The following THSD4 variants were observed in gnomAD, a reference collection of about 807,000 sequenced individuals.
THSD4 encodes the protein thrombospondin type-1 domain-containing protein 4.
A neutral mutation model predicts 119.0 loss-of-function variants in THSD4; 69 were observed. The observed-to-expected ratio is 0.58, with a 90% CI of 0.48 to 0.71. The LOEUF is 0.71. Among genes scored for constraint, THSD4 ranks in the 30% least tolerant of loss-of-function variants. The pLI is 0.00. For synonymous variants in THSD4, 524 were observed against 540.4 expected (o/e 0.97, Z 0.42); for missense variants, 1,393 against 1,391.1 (o/e 1.00, Z -0.02).
intron 16 of THSD4, among the ~76,000 whole-genome samples, chr15:71,768,021 AT>A (rs1319141367): frequency 6.6e-6 from 1 of 152,234 alleles, no homozygotes; most frequent in African/African-American, 2.4e-5. Context: ...ATAAGTCATC[AT>A]CATAGGATGT....
At position 71,103,695 on chromosome 15, in the gene THSD4, T is replaced by C. The variant is rs74567498; in HGVS notation, c.-80+6689T>C. Among the ~76,000 whole-genome samples, 705 of 152,044 alleles carry C rather than the reference T, an allele frequency of 4.6e-3. 7 individuals are homozygous for C. The highest frequency in any genetic ancestry group is 0.017 in the African/African-American group (695 of 41,486). ...TCTCTTGGAATCTTAGATGACTGCC[T>C]AGCTCCACTCCCACCCCCTCAGCCT... On this transcript the variant is annotated intron_variant, in intron 1 of 17. Transcript: ENST00000355327.
chr15:71,170,241 A>G (rs1264137510), intron 3 of THSD4, among the ~76,000 whole-genome samples: 1 of 152,208 alleles, frequency 6.6e-6, no homozygotes, highest in Non-Finnish European at 1.5e-5. Flanking sequence ...CTACACAGAC[A>G]GAAGACTGTG....
chr15:71,650,302 T>C (rs534189299), intron 7 of THSD4, among the ~76,000 whole-genome samples: 10 of 152,312 alleles, frequency 6.6e-5, no homozygotes, highest in African/African-American at 2.4e-4. Flanking sequence ...AGAAGCTTGC[T>C]GACCCACAAT....
intron 3 of THSD4, among the ~76,000 whole-genome samples, chr15:71,198,529 TCTC>T (rs748165926): frequency 1.3e-5 from 2 of 152,210 alleles, no homozygotes; most frequent in Admixed American, 6.5e-5. Flanking sequence ...TCCCCTACTC[TCTC>T]CTCTTCCTAG....
At chr15:71,606,524 A>ATTGT (rs1372442882) in intron 7 of THSD4, among the ~76,000 whole-genome samples, 2 of 131,548 alleles carry the variant, frequency 1.5e-5, no homozygotes, top group Non-Finnish European at 1.7e-5. Context: ...TCAAATGGCA[A>ATTGT]TTGTTTATTT....
At chr15:71,465,363 T>C (rs777940431) in intron 7 of THSD4, among the ~76,000 whole-genome samples, 2 of 152,212 alleles carry the variant, frequency 1.3e-5, no homozygotes, top group Non-Finnish European at 2.9e-5. Flanking sequence ...TTGACACTTA[T>C]GCTGCAGTTA....
intron 1 of THSD4, among the ~76,000 whole-genome samples, chr15:71,107,750 C>A (rs1462529622): frequency 1.3e-5 from 2 of 152,234 alleles, no homozygotes; most frequent in African/African-American, 4.8e-5. Context: ...AACAGACCAA[C>A]TTCTCTCAGA....
intron 8 of THSD4, among the ~76,000 whole-genome samples, chr15:71,666,677 T>C (rs1332835625): frequency 6.6e-6 from 1 of 152,192 alleles, no homozygotes. Context: ...TTACTAAAAC[T>C]TACTGAAGGT....
Position 71,350,699 on chromosome 15 carries a change from A to C in THSD4, c.1016-60988A>C, listed in dbSNP as rs536845394. Among the ~76,000 whole-genome samples the C allele has an allele frequency of 3.9e-5, 6 of 152,290 alleles. No individual in the cohort carries two copies. The South Asian group carries it at 1.2e-3, about 32-fold the overall frequency. On this transcript the variant is annotated intron_variant, in intron 6 of 17. Coordinates refer to ENST00000261862, the MANE Select transcript of THSD4 (RefSeq NM_024817.3). ...AAGCTTGAGCTGTCCATGGAAGTTT[A>C]GGAGGATGGTGCAGGGATGAGGAGG...
chr15:71,773,200 C>CAAAAAAAAAAAAA (rs5813665), intron 17 of THSD4, among the ~76,000 whole-genome samples: 7 of 54,008 alleles, frequency 1.3e-4, no homozygotes, highest in East Asian at 4.3e-4. Flanking sequence ...GACCATGTCT[C>CAAAAAAAAAAAAA]AAAAAAAAAA....
intron 6 of THSD4, among the ~76,000 whole-genome samples, chr15:71,327,309 C>T (rs1372073304): frequency 6.6e-6 from 1 of 152,116 alleles, no homozygotes; most frequent in Non-Finnish European, 1.5e-5. Flanking sequence ...TGTCCTGCCA[C>T]CGGCCTACAG....
chr15:71,137,222 A>C (rs1450815912), intron 1 of THSD4, among the ~76,000 whole-genome samples: 1 of 151,980 alleles, frequency 6.6e-6, no homozygotes, highest in Non-Finnish European at 1.5e-5. Flanking sequence ...ACGTGTGCTC[A>C]GCCCTCTCGG....
chr15:71,201,260 C>T (rs2043801534), intron 3 of THSD4, among the ~76,000 whole-genome samples: 1 of 152,082 alleles, frequency 6.6e-6, no homozygotes, highest in Admixed American at 6.6e-5. Context: ...TTCTGCTCAC[C>T]AATAAACATG....
At chr15:71,370,585 A>T (rs1178165601) in intron 6 of THSD4, among the ~76,000 whole-genome samples, 1 of 152,092 alleles carries the variant, frequency 6.6e-6, no homozygotes, top group Non-Finnish European at 1.5e-5. Flanking sequence ...CATGTAGTTG[A>T]GCGGTTTTGA....
chr15:71,476,356 A>G (rs994007919), intron 7 of THSD4, among the ~76,000 whole-genome samples: 2 of 152,112 alleles, frequency 1.3e-5, no homozygotes, highest in African/African-American at 2.4e-5. Context: ...CTCAGCCTCC[A>G]GAGTAGTTGG....
Position 71,310,853 on chromosome 15 carries a change from A to G in THSD4, c.1015+54138A>G, listed in dbSNP as rs138620972. Among the ~76,000 whole-genome samples the G allele has an allele frequency of 5.8e-3, 883 of 152,268 alleles. 8 individuals are homozygous for G. The highest frequency in any genetic ancestry group is 0.02 in the African/African-American group (826 of 41,550). On this transcript the variant is annotated intron_variant, in intron 6 of 17. Coordinates refer to ENST00000261862, the MANE Select transcript of THSD4 (RefSeq NM_024817.3). The stretch of plus-strand genomic sequence containing the variant: ...TTGGTGGAGAATGGGACTGAGAGAC[A>G]GGGGGGCAGGAGAATGTCAAAGAAA...
intron 5 of THSD4, among the ~76,000 whole-genome samples, 159 bp from the exon 6 acceptor site, chr15:71,256,454 G>A (rs577736177): frequency 4.8e-5 from 7 of 147,104 alleles, no homozygotes; most frequent in Admixed American, 2.0e-4. Flanking sequence ...CAGCCTGGGC[G>A]ACAAGGGTGA....
At chr15:71,203,422 A>C (rs2043818947) in intron 3 of THSD4, among the ~76,000 whole-genome samples, 1 of 152,194 alleles carries the variant, frequency 6.6e-6, no homozygotes, top group Non-Finnish European at 1.5e-5. Flanking sequence ...TGGGAGGCCA[A>C]GGTGGGCAGA....
chr15:71,346,417 G>A (rs1419550599), intron 6 of THSD4, among the ~76,000 whole-genome samples: 1 of 152,100 alleles, frequency 6.6e-6, no homozygotes, highest in Admixed American at 6.5e-5. Context: ...CTACTCAATG[G>A]GTTTTGACCT....
Sources: allele counts gnomAD v4.1 joint callset (sites outside exome capture counted in the v4.1 genomes callset), GRCh38; gene constraint gnomAD v4.1.1; transcripts MANE v1.5; gene names NCBI Gene and HGNC (gene_info 2026-07-23, HGNC 2026-07-21).